Variants in NBEA observed in about 807,000 individuals in gnomAD.
The protein encoded by NBEA is lysosomal-trafficking regulator 2.
In NBEA, 44 loss-of-function variants were observed where a neutral mutation model predicts 343.4. The ratio of observed to expected loss-of-function variants is 0.13; its 90% CI spans 0.10 to 0.16. The LOEUF is 0.16. Ranked by LOEUF, NBEA falls within the 10% of genes least tolerant of loss-of-function variation. The pLI is 1.00. For missense variants in NBEA, 2,555 were observed against 3,631.3 expected, an observed-to-expected ratio of 0.70 and a Z score of 7.62; for synonymous variants, 1,175 against 1,238.7, an observed-to-expected ratio of 0.95 and a Z score of 1.08.
At chr13:35,040,908 A>G (rs781036844) in intron 1 of NBEA, 25 bp from the exon 2 acceptor site, 10 of 1,578,314 alleles carry the variant, frequency 6.3e-6, no homozygotes, top group African/African-American at 2.7e-5. Flanking sequence ...TGTTAACACT[A>G]TTGTTTCTTT....
chr13:35,650,860 T>C (rs2084484586), intron 52 of NBEA, among the ~76,000 whole-genome samples: 1 of 152,216 alleles, frequency 6.6e-6, no homozygotes, highest in Non-Finnish European at 1.5e-5. Flanking sequence ...AGCTGAGCCA[T>C]GCCGAAGTAA....
At chr13:35,651,476 C>T (rs1044063008) in intron 52 of NBEA, among the ~76,000 whole-genome samples, 1 of 152,056 alleles carries the variant, frequency 6.6e-6, no homozygotes, top group Non-Finnish European at 1.5e-5. Context: ...ATAGCCCTTT[C>T]ATTGATTTCA....
At position 34,949,296 on chromosome 13, in the gene NBEA, A is replaced by C. The variant is rs552524000; in HGVS notation, c.294+6182A>C. On this transcript the variant is annotated intron_variant, in intron 1 of 58. Coordinates refer to ENST00000379939, the MANE Select transcript of NBEA (RefSeq NM_001385012.1). ...CCTATTGCTATGAGACTGAAACTTA[A>C]AAGCTGACAAGATCCTGACAGGATC... is the stretch of plus-strand genomic sequence containing the variant. Among the ~76,000 whole-genome samples, 577 of 152,324 alleles carry C rather than the reference A, an allele frequency of 3.8e-3. 3 individuals are homozygous for C. Among genetic ancestry groups the C allele is most frequent in the Non-Finnish European group, 6.9e-3 (471 of 68,032 alleles).
chr13:35,177,251 T>C, intron 28 of NBEA, 148 bp downstream of exon 28: 2 of 601,532 alleles, frequency 3.3e-6, no homozygotes, highest in South Asian at 2.4e-5. Context: ...ATAAAATGGT[T>C]GAACCTTAGC....
At chr13:35,035,883 A>G (rs1387632817) in intron 1 of NBEA, among the ~76,000 whole-genome samples, 1 of 150,880 alleles carries the variant, frequency 6.6e-6, no homozygotes. Flanking sequence ...CCATCTGTTT[A>G]TTTTCAGTCT....
At chr13:35,447,012 T>C (rs2046084220) in intron 39 of NBEA, among the ~76,000 whole-genome samples, 1 of 152,100 alleles carries the variant, frequency 6.6e-6, no homozygotes, top group African/African-American at 2.4e-5. Context: ...GTGAATTACT[T>C]TTTTCTTTAT....
chr13:35,405,836 C>A (rs1230449587), intron 38 of NBEA, among the ~76,000 whole-genome samples: 4 of 152,122 alleles, frequency 2.6e-5, no homozygotes, highest in African/African-American at 7.2e-5. Context: ...TGCCTACTTT[C>A]TTCCAAGTGT....
chr13:35,137,382 G>T (rs932691204), intron 17 of NBEA, among the ~76,000 whole-genome samples: 2 of 151,744 alleles, frequency 1.3e-5, no homozygotes, highest in Non-Finnish European at 2.9e-5. Context: ...TGCAGGAGGC[G>T]GAGCTTGCAG....
intron 18 of NBEA, among the ~76,000 whole-genome samples, chr13:35,149,411 A>C (rs2068634677): frequency 6.6e-6 from 1 of 152,154 alleles, no homozygotes; most frequent in African/African-American, 2.4e-5. Flanking sequence ...TTGTGAAAAC[A>C]GACAAACTAA....
Position 34,986,104 on chromosome 13 carries a change from C to T in NBEA, c.294+42990C>T, listed in dbSNP as rs539386625. ...TTTGAATGTGTTTGCTCTTGCTTCT[C>T]TAGTTCTTTTAATTGTGATGTTAGG... On this transcript the variant is annotated intron_variant, in intron 1 of 58. Transcript: ENST00000379939. 5.0e-4 allele frequency among the ~76,000 whole-genome samples: 76 copies of T among 150,710 alleles called. 5 individuals carry two copies. The South Asian group carries it at 0.015, about 29-fold the overall frequency.
At chr13:35,099,215 T>C (rs2065502759) in intron 11 of NBEA, among the ~76,000 whole-genome samples, 1 of 147,878 alleles carries the variant, frequency 6.8e-6, no homozygotes, top group South Asian at 2.2e-4. Context: ...TTTTTTTTTT[T>C]TGAGATGGAG....
At chr13:35,591,085 A>G (rs184672092) in intron 46 of NBEA, among the ~76,000 whole-genome samples, 286 of 152,196 alleles carry the variant, frequency 1.9e-3, no homozygotes, top group Admixed American at 3.9e-3. Flanking sequence ...AGATACATCA[A>G]GCTTTCTCTA....
chr13:35,461,168 G>A (rs756323489), intron 40 of NBEA, among the ~76,000 whole-genome samples: 2 of 152,030 alleles, frequency 1.3e-5, no homozygotes, highest in Non-Finnish European at 2.9e-5. Context: ...AGTTTTGGAG[G>A]GGACAAACAA....
At chr13:35,652,472 C>G (rs2084578077) in intron 53 of NBEA, among the ~76,000 whole-genome samples, 1 of 151,142 alleles carries the variant, frequency 6.6e-6, no homozygotes, top group African/African-American at 2.4e-5. Flanking sequence ...AACCCCGTCT[C>G]TACTAAAAAT....
chr13:35,342,089 A>G (rs1035699652), intron 36 of NBEA, among the ~76,000 whole-genome samples: 16 of 152,082 alleles, frequency 1.1e-4, no homozygotes, highest in Non-Finnish European at 1.5e-5. Context: ...ATATTGTGCT[A>G]CCTGAAAGAA....
chr13:35,575,034 G>A (rs1246849781), intron 45 of NBEA, among the ~76,000 whole-genome samples: 2 of 152,030 alleles, frequency 1.3e-5, no homozygotes, highest in Admixed American at 6.5e-5. Context: ...GCCACCATGC[G>A]GCCAAGTGCT....
At chr13:35,194,986 A>T (rs1420930987) in intron 30 of NBEA, among the ~76,000 whole-genome samples, 1 of 152,102 alleles carries the variant, frequency 6.6e-6, no homozygotes, top group African/African-American at 2.4e-5. Context: ...TTATTATATT[A>T]TTAATGTATT....
chr13:35,613,543 T>G (rs934284692), intron 48 of NBEA, among the ~76,000 whole-genome samples: 1 of 152,190 alleles, frequency 6.6e-6, no homozygotes, highest in Non-Finnish European at 1.5e-5. Context: ...CATACTGATT[T>G]CAGTTACTTT....
At chr13:35,431,741 T>C (rs2045128746) in intron 38 of NBEA, among the ~76,000 whole-genome samples, 1 of 152,188 alleles carries the variant, frequency 6.6e-6, no homozygotes, top group South Asian at 2.1e-4. Context: ...CAGCGGGGAA[T>C]TATTTCAATG....
Sources: gnomAD v4.1 joint callset for allele counts (sites outside exome capture counted in the v4.1 genomes callset) on GRCh38, gnomAD v4.1.1 for gene constraint, MANE v1.5 for transcripts, NCBI Gene and HGNC (gene_info 2026-07-23, HGNC 2026-07-21) for gene names.